The following DDX51 variants were observed in gnomAD, a reference collection of about 807,000 sequenced individuals.
DDX51 encodes the protein DEAD-box helicase 51, also known as ATP-dependent RNA helicase DDX51.
DDX51 carries 67 observed loss-of-function variants against 74.6 expected under a neutral mutation model. That is an observed-to-expected ratio of 0.90 (90% CI 0.74 to 1.10). The LOEUF (loss-of-function observed/expected upper bound fraction) is 1.10, where lower values mean the gene tolerates loss of function less well. Among genes scored for constraint, DDX51 ranks in the 50% least tolerant of loss-of-function variants. DDX51 has a pLI of 0.00. For synonymous variants in DDX51, 545 were observed against 402.9 expected (o/e 1.35, Z -4.22); for missense variants, 1,056 against 905.2 (o/e 1.17, Z -2.14).
chr12:132,143,948 GA>G (rs761420684), intron 1 of DDX51, 39 bp from the exon 2 acceptor site: 198 of 1,472,152 alleles, frequency 1.3e-4, no homozygotes, highest in Non-Finnish European at 1.7e-4. Flanking sequence ...CGTCAGCACC[GA>G]GTCGCCGGCG....
rs769665533 is a variant in DDX51, at chr12:132,141,027, G to A, written c.1251-7C>T. 1.2e-5 allele frequency: 19 copies of A among 1,586,366 alleles called. No homozygotes were observed. The African/African-American group carries it at 1.5e-4, about 13-fold the overall frequency. On this transcript the variant is annotated splice_region_variant and splice_polypyrimidine_tract_variant and intron_variant, in intron 8 of 14. Transcript: ENST00000397333. ...CATCTGGGGACAGCAGGTGCTGGAA[G>A]AGAAGGGGGTGTTGCTGGCACCCTA...
chr12:132,142,545 A>T, intron 3 of DDX51, 123 bp from the exon 4 acceptor site: 1 of 1,486,038 alleles, frequency 6.7e-7, no homozygotes, highest in Non-Finnish European at 8.9e-7. Flanking sequence ...CCCCAGAGGG[A>T]TGGCACCAAG....
Position 132,144,204 on chromosome 12 carries a change from G to C in DDX51, c.93C>G (p.Ala31=), listed in dbSNP as rs1897607394. Residue 31 remains alanine, a synonymous_variant, in exon 1 of 15, where the codon GCC becomes GCG. Transcript: ENST00000397333. Reference sequence around the variant, plus strand: ...TCTGCAGCCGCTCGAGCAGCGCGCGGGCCCTGCCGTGCGCCCCGGCCTCCG... The same window carrying C: ...TCTGCAGCCGCTCGAGCAGCGCGCGCGCCCTGCCGTGCGCCCCGGCCTCCG... ...EGAEAGAHGR[A]RALLERLQSR... 1 of 1,191,890 alleles carries C rather than the reference G, an allele frequency of 8.4e-7. No individual in the cohort carries two copies. Among genetic ancestry groups the C allele is most frequent in the East Asian group, 3.6e-5 (1 of 27,594 alleles). 73.8% of individuals were successfully genotyped at this position (1,191,890 alleles called of 1,614,324 possible).
chr12:132,142,945 G>T (rs924383202), intron 2 of DDX51, 67 bp from the exon 3 acceptor site: 1 of 1,601,060 alleles, frequency 6.2e-7, no homozygotes. Flanking sequence ...GCCCACGGTG[G>T]AAAAAGCTAG....
rs200093409 is a variant in DDX51, at chr12:132,139,729, G to A, written c.1880C>T (p.Pro627Leu). The A allele has an allele frequency of 4.3e-4, 686 of 1,613,110 alleles. 1 individual carries two copies. Among genetic ancestry groups the A allele is most frequent in the Non-Finnish European group, 2.5e-4 (291 of 1,180,018 alleles). The stretch of plus-strand genomic sequence containing the variant: ...GGAGAGCTCGTGCCGCTGCAACTCA[G>A]GTGCCCCAGCTTCAGTTAGCATTCG... ...FLRMLTEAGA[P>L]ELQRHELSSK... Residue 627 changes from proline (P) to leucine (L), a missense_variant, in exon 14 of 15, where the codon CCT becomes CTT. Coordinates refer to ENST00000397333, the MANE Select transcript of DDX51 (RefSeq NM_175066.4).
Position 132,144,063 on chromosome 12 carries a change from G to T in DDX51, c.234C>A (p.Asp78Glu), listed in dbSNP as rs766505971. Residue 78 changes from aspartate to glutamate, a missense_variant, in exon 1 of 15, where the codon GAC (aspartate) becomes GAA (glutamate). Physicochemically the swap from Asp to Glu is conservative, Grantham distance 45. Coordinates refer to ENST00000397333, the MANE Select transcript of DDX51 (RefSeq NM_175066.4). ...GCGCCTCCGGGCTCCCCGGCTCCGC[G>T]TCGTTCACCCGCCGCCGCCGCCGGG... is the stretch of plus-strand genomic sequence containing the variant. ...RRPRRRRRVNDAEPGSPEAPQ... is the reference protein window; with the variant it reads ...RRPRRRRRVNEAEPGSPEAPQ... The T allele has an allele frequency of 7.9e-7, 1 of 1,262,788 alleles. No homozygotes were observed. Among genetic ancestry groups the T allele is most frequent in the South Asian group, 3.0e-5 (1 of 33,424 alleles). The allele number at this position is 1,262,788 out of a possible 1,614,324, so 78.2% of individuals were successfully genotyped here. A position where few individuals can be genotyped will look rare whatever the true frequency, so the allele number is the denominator to read the frequency against.
At position 132,143,749 on chromosome 12, in the gene DDX51, T is replaced by A; in HGVS notation, c.465A>T (p.Gly155=). Residue 155 remains glycine (G), a synonymous_variant, in exon 2 of 15, where the codon GGA becomes GGT. Coordinates refer to ENST00000397333, the MANE Select transcript of DDX51 (RefSeq NM_175066.4). ...CCAGCACCAGGCCGGGGACCAGGGGTCCGGCCGCCTCCTCCAGGGCCGGTC... is the reference window on the plus strand; with the variant it reads ...CCAGCACCAGGCCGGGGACCAGGGGACCGGCCGCCTCCTCCAGGGCCGGTC... The part of the protein sequence containing the change: ...PDGPALEEAA[G]PLVPGLVLGG... 6.6e-7 allele frequency: 1 copy of A among 1,525,762 alleles called. No homozygotes were observed. The highest frequency in any genetic ancestry group is 8.8e-7 in the Non-Finnish European group (1 of 1,139,604). 94.5% of individuals were successfully genotyped at this position (1,525,762 alleles called of 1,614,324 possible).
Position 132,141,604 on chromosome 12 carries a change from G to A in DDX51, c.998C>T (p.Ala333Val). Residue 333 changes from alanine (A) to valine (V), a missense_variant and splice_region_variant, in exon 7 of 15, where the codon GCT becomes GTT. Coordinates refer to ENST00000397333, the MANE Select transcript of DDX51 (RefSeq NM_175066.4). ...GTCAGCCAAGCAGCGGTACCCATCA[G>A]CTCTACAGACCAGAGAGCAGCTCGA... is the stretch of plus-strand genomic sequence containing the variant. ...KEQESLVQKT[A>V]DGYRCLADIV... 6.3e-7 allele frequency: 1 copy of A among 1,586,154 alleles called. No individual in the cohort carries two copies. The highest frequency in any genetic ancestry group is 8.6e-7 in the Non-Finnish European group (1 of 1,168,328).
In DDX51 at chr12:132,140,551, G is replaced by A. The variant is rs778292245; in HGVS notation, c.1557-12C>T. The A allele has an allele frequency of 3.5e-5, 57 of 1,612,836 alleles. 1 individual carries two copies. In the South Asian group the frequency reaches 4.9e-4, roughly 14 times the overall value. ...CCAGCAGGAAGAGCCTAGGCAGAGA[G>A]AAGGCTGCGGCCAAGTGATGCTGGG... is the stretch of plus-strand genomic sequence containing the variant. On this transcript the variant is annotated splice_polypyrimidine_tract_variant and intron_variant, in intron 10 of 14. Transcript: ENST00000397333.
In DDX51 at chr12:132,144,144, G is replaced by A. The variant is rs1897604626; in HGVS notation, c.153C>T (p.Pro51=). 1 of 1,185,906 alleles carries A rather than the reference G, an allele frequency of 8.4e-7. No homozygotes were observed. The highest frequency in any genetic ancestry group is 1.0e-6 in the Non-Finnish European group (1 of 959,274). 73.5% of individuals were successfully genotyped at this position (1,185,906 alleles called of 1,614,324 possible). ...TCGATGCAGCCGCCTCGGTCTGCGCGGGCTCCCGCTGCTGCTGCCGTTCGC... is the reference window on the plus strand; with the variant it reads ...TCGATGCAGCCGCCTCGGTCTGCGCAGGCTCCCGCTGCTGCTGCCGTTCGC... The part of the protein sequence containing the change: ...RARERQQQRE[P]AQTEAAASTE... Residue 51 remains proline, a synonymous_variant, in exon 1 of 15, where the codon CCC becomes CCT. Coordinates refer to ENST00000397333, the MANE Select transcript of DDX51 (RefSeq NM_175066.4).
At chr12:132,141,254 C>G in intron 8 of DDX51, 21 bp downstream of exon 8, 2 of 1,577,738 alleles carry the variant, frequency 1.3e-6, no homozygotes, top group Non-Finnish European at 1.7e-6. Flanking sequence ...GAGGCCAGCA[C>G]CTGGGCGTGC....
chr12:132,140,458 C>T lies in DDX51; in HGVS notation c.1638G>A (p.Met546Ile). The change falls in exon 11 of 15, where the codon ATG becomes ATA. Residue 546 changes from methionine to isoleucine, a missense_variant. Coordinates refer to ENST00000397333, the MANE Select transcript of DDX51 (RefSeq NM_175066.4). The part of the protein sequence containing the change: ...SSRYGPGQRR[M>I]ILKQFEQGKI... ...TCCCCTGTTCAAACTGCTTCAGGAT[C>T]ATCCTCCTCTGGCCAGGCCCGTAGC... The T allele has an allele frequency of 1.2e-6, 2 of 1,613,300 alleles. No homozygotes were observed. Among genetic ancestry groups the T allele is most frequent in the South Asian group, 2.2e-5 (2 of 91,080 alleles).
chr12:132,138,164 G>A lies in DDX51; in HGVS notation c.*1108C>T, dbSNP rs1188102979. ...TGTGGATGTAGGTTTCATTGATCTGGGGTGTACAAGGTGCATAGGAGAGGA... is the reference window on the plus strand; with the variant it reads ...TGTGGATGTAGGTTTCATTGATCTGAGGTGTACAAGGTGCATAGGAGAGGA... On this transcript the variant is annotated 3_prime_UTR_variant, in exon 15 of 15. Coordinates refer to ENST00000397333, the MANE Select transcript of DDX51 (RefSeq NM_175066.4). 1 of 152,378 alleles carries A rather than the reference G, an allele frequency of 6.6e-6. No homozygotes were observed. Among genetic ancestry groups the A allele is most frequent in the Non-Finnish European group, 1.5e-5 (1 of 68,158 alleles). 9.4% of individuals were successfully genotyped at this position (152,378 alleles called of 1,614,324 possible). A position where few individuals can be genotyped will look rare whatever the true frequency, so the allele number is the denominator to read the frequency against.
chr12:132,141,126 A>G (rs1233279591), intron 8 of DDX51, 106 bp from the exon 9 acceptor site: 24 of 1,498,872 alleles, frequency 1.6e-5, no homozygotes, highest in Non-Finnish European at 2.0e-5. Context: ...GCAGACCAGG[A>G]GCAAGGTGGG....
At position 132,142,971 on chromosome 12, in the gene DDX51, G is replaced by A. The variant is rs913983345; in HGVS notation, c.520-93C>T. 1.9e-5 allele frequency: 29 copies of A among 1,561,148 alleles called. No homozygotes were observed. In the Admixed American group the frequency reaches 1.9e-4, roughly 10 times the overall value. On this transcript the variant is annotated intron_variant, in intron 2 of 14. Transcript: ENST00000397333. ...AAAAAGCTAGGGGAGGGAGGCTGGG[G>A]AAACCTCTGTCGTCTTCAGCTCCTT...
At position 132,143,730 on chromosome 12, in the gene DDX51, CCA is replaced by C; in HGVS notation, c.482_483del (p.Leu161ArgfsTer23). The C allele has an allele frequency of 1.3e-6, 2 of 1,535,946 alleles. No individual in the cohort carries two copies. Among genetic ancestry groups the C allele is most frequent in the Non-Finnish European group, 1.7e-6 (2 of 1,143,358 alleles). On this transcript the variant is annotated frameshift_variant, in exon 2 of 15. Transcript: ENST00000397333. LOFTEE classifies it high-confidence loss of function. ...EEAAGPLVPG[L>X]VLGGFGKRKA... ...TTCCTCTTCCCGAACCCCCCCAGCA[CCA>C]GGCCGGGGACCAGGGGTCCGGCCGC... is the stretch of plus-strand genomic sequence containing the variant.
At position 132,140,628 on chromosome 12, in the gene DDX51, G is replaced by A. The variant is rs747591952; in HGVS notation, c.1548C>T (p.Asn516=). The A allele has an allele frequency of 5.6e-6, 9 of 1,612,934 alleles. No individual in the cohort carries two copies. The highest frequency in any genetic ancestry group is 7.6e-6 in the Non-Finnish European group (9 of 1,180,014). The stretch of plus-strand genomic sequence containing the variant: ...CCCAGCCGGGGCCTCACCTGTGGGA[G>A]TTCTCTCGGGAGTTAGTGAAGCAGA... The part of the protein sequence containing the change: ...RVLCFTNSRE[N]SHRLFLLVQA... Residue 516 remains asparagine (N), a synonymous_variant, in exon 10 of 15, where the codon AAC becomes AAT. Coordinates refer to ENST00000397333, the MANE Select transcript of DDX51 (RefSeq NM_175066.4).
intron 3 of DDX51, 146 bp from the exon 4 acceptor site, chr12:132,142,568 G>A (rs760785583): frequency 3.1e-5 from 46 of 1,465,344 alleles, no homozygotes; most frequent in Non-Finnish European, 3.7e-5. Flanking sequence ...CCAGAGGAAC[G>A]CCAGCCTCAG....
At chr12:132,143,559 T>C (rs942726109) in intron 2 of DDX51, 136 bp downstream of exon 2, 89 of 1,197,938 alleles carry the variant, frequency 7.4e-5, no homozygotes, top group Non-Finnish European at 9.1e-5. Context: ...GCGATGAAAC[T>C]GCAGACCTGG....
Sources: gnomAD v4.1 joint callset for allele counts on GRCh38, gnomAD v4.1.1 for gene constraint, MANE v1.5 for transcripts, NCBI Gene and HGNC (gene_info 2026-07-23, HGNC 2026-07-21) for gene names.